OIT3: variants seen among roughly 807,000 people sequenced by gnomAD.
The protein encoded by OIT3 is oncoprotein induced transcript 3.
Under a neutral mutation model 52.2 loss-of-function variants are expected in OIT3, and 41 were observed. The ratio of observed to expected loss-of-function variants is 0.79; its 90% CI spans 0.61 to 1.02. The LOEUF is 1.02. Ranked by LOEUF, OIT3 falls within the 50% of genes least tolerant of loss-of-function variation. The probability of loss-of-function intolerance (pLI) is 0.00; values close to 1 mark genes in which losing one functional copy is unlikely to be tolerated. For synonymous variants in OIT3, 244 were observed against 276.9 expected (o/e 0.88, Z 1.18); for missense variants, 634 against 715.5 (o/e 0.89, Z 1.30).
chr10:72,923,179 T>TC (rs1433671712), intron 6 of OIT3, among the ~76,000 whole-genome samples: 1 of 152,112 alleles, frequency 6.6e-6, no homozygotes, highest in Non-Finnish European at 1.5e-5. Context: ...GCCTGGCCTT[T>TC]CCCCCCGGCA....
intron 7 of OIT3, among the ~76,000 whole-genome samples, chr10:72,926,961 T>A (rs963430819): frequency 6.6e-6 from 1 of 152,172 alleles, no homozygotes; most frequent in Admixed American, 6.5e-5. Flanking sequence ...ATAATCAAGA[T>A]AATGAACATT....
chr10:72,925,289 T>C (rs1248049051), intron 7 of OIT3, among the ~76,000 whole-genome samples: 1 of 152,172 alleles, frequency 6.6e-6, no homozygotes, highest in Non-Finnish European at 1.5e-5. Flanking sequence ...CTGCAGGATG[T>C]CTAGGAAGAG....
At chr10:72,929,136 A>G (rs1846193437) in intron 7 of OIT3, among the ~76,000 whole-genome samples, 1 of 152,000 alleles carries the variant, frequency 6.6e-6, no homozygotes, top group South Asian at 2.1e-4. Flanking sequence ...TAGGAGGTCG[A>G]AGCTGCAGTG....
intron 5 of OIT3, among the ~76,000 whole-genome samples, chr10:72,913,020 C>G (rs1846042855): frequency 6.6e-6 from 1 of 152,170 alleles, no homozygotes. Context: ...TTAGGTGTTT[C>G]AGTTCACAGA....
Position 72,924,637 on chromosome 10 carries a change from CG to C in OIT3, c.1363del (p.Asp455MetfsTer9), listed in dbSNP as rs1391387207. 17 of 1,605,864 alleles carry C rather than the reference CG, an allele frequency of 1.1e-5. No homozygotes were observed. Among genetic ancestry groups the C allele is most frequent in the Non-Finnish European group, 1.4e-5 (17 of 1,174,870 alleles). On this transcript the variant is annotated frameshift_variant, in exon 7 of 9. Coordinates refer to ENST00000334011, the MANE Select transcript of OIT3 (RefSeq NM_152635.3). LOFTEE classifies it high-confidence loss of function. ...CGAGGTCCTGAAATACTACCTCATCCGGGATGGGTAATGCTGCTGCAAGAAT... is the reference window on the plus strand; with the variant it reads ...CGAGGTCCTGAAATACTACCTCATCCGGATGGGTAATGCTGCTGCAAGAAT... ...IDEVLKYYLI[R>X]DGCVSDDSVK...
chr10:72,918,410 T>C (rs1846092510), intron 6 of OIT3: 1 of 785,024 alleles, frequency 1.3e-6, no homozygotes, highest in African/African-American at 1.7e-5. Context: ...TTTTTAAAGA[T>C]AACTGGTGCT....
intron 7 of OIT3, among the ~76,000 whole-genome samples, chr10:72,926,225 T>C (rs561520285): frequency 6.6e-6 from 1 of 152,320 alleles, no homozygotes; most frequent in South Asian, 2.1e-4. Context: ...TCTTGGACAT[T>C]ACTATGCTGC....
intron 1 of OIT3, among the ~76,000 whole-genome samples, chr10:72,897,073 G>A (rs1256502685): frequency 2.0e-5 from 3 of 152,246 alleles, no homozygotes; most frequent in African/African-American, 7.2e-5. Flanking sequence ...GCCCAGGCTG[G>A]AATGCAATGG....
intron 7 of OIT3, among the ~76,000 whole-genome samples, chr10:72,929,791 C>T (rs929670366): frequency 3.3e-5 from 5 of 152,132 alleles, no homozygotes; most frequent in African/African-American, 1.2e-4. Context: ...AATCCTCCTG[C>T]CTCAGCCTGC....
chr10:72,900,429 C>A lies in OIT3; in HGVS notation c.489C>A (p.Ser163Arg), dbSNP rs146090082. The A allele has an allele frequency of 3.1e-6, 5 of 1,612,612 alleles. No homozygotes were observed. Among genetic ancestry groups the A allele is most frequent in the Non-Finnish European group, 4.2e-6 (5 of 1,178,788 alleles). ...GCCATGGCAGCTGCTCAGATACCAG[C>A]GAGTGCACATGCGCTCCAGGAACTG... ...EDCHGSCSDT[S>R]ECTCAPGTVL... Residue 163 changes from serine to arginine, a missense_variant, in exon 3 of 9, where the codon AGC (serine) becomes AGA (arginine). Ser to Arg is a moderately radical substitution (Grantham distance 110). Transcript: ENST00000334011.
At chr10:72,903,231 T>C (rs1845949067) in intron 3 of OIT3, among the ~76,000 whole-genome samples, 1 of 152,230 alleles carries the variant, frequency 6.6e-6, no homozygotes, top group African/African-American at 2.4e-5. Flanking sequence ...TGTTTTTCTT[T>C]TCTTTTTTTT....
intron 8 of OIT3, among the ~76,000 whole-genome samples, chr10:72,931,952 T>C (rs1194480218): frequency 2.6e-5 from 4 of 152,324 alleles, no homozygotes; most frequent in Non-Finnish European, 1.5e-5. Flanking sequence ...GAAAGGTGCT[T>C]GCAGAAAACA....
intron 4 of OIT3, among the ~76,000 whole-genome samples, chr10:72,909,312 G>T (rs57396026): frequency 0.059 from 8,966 of 151,656 alleles, 763 homozygotes; most frequent in African/African-American, 0.19. Flanking sequence ...TAGAAACAGG[G>T]TTTCACCATG....
At position 72,898,938 on chromosome 10, in the gene OIT3, C is replaced by T; in HGVS notation, c.336C>T (p.Cys112=). The T allele has an allele frequency of 6.2e-7, 1 of 1,614,210 alleles. No homozygotes were observed. The highest frequency in any genetic ancestry group is 8.5e-7 in the Non-Finnish European group (1 of 1,180,032). The change falls in exon 2 of 9, where the codon TGC becomes TGT. Residue 112 remains cysteine (C), a synonymous_variant. Coordinates refer to ENST00000334011, the MANE Select transcript of OIT3 (RefSeq NM_152635.3). The stretch of plus-strand genomic sequence containing the variant: ...CTTGTGCCAGCTTCAATGGGAACTG[C>T]TGTCTCTGGAACACCACGGTGGAAG... ...RQACASFNGN[C]CLWNTTVEVK... is the part of the protein sequence containing the mutation.
Position 72,913,254 on chromosome 10 carries a change from C to T in OIT3, c.791-54C>T, listed in dbSNP as rs113095004. On this transcript the variant is annotated intron_variant, in intron 5 of 8. Transcript: ENST00000334011. ...AGGGTGAAATTATTTCTCCTAAAAG[C>T]CTTCCTCCCGATTCAGGTTTCCTGG... 5.6e-4 allele frequency: 795 copies of T among 1,429,420 alleles called. 5 individuals carry two copies. The African/African-American group carries it at 9.8e-3, about 18-fold the overall frequency. 88.5% of individuals were successfully genotyped at this position (1,429,420 alleles called of 1,614,324 possible).
chr10:72,899,703 TGATA>T (rs373777568), intron 2 of OIT3, among the ~76,000 whole-genome samples: 47,420 of 144,582 alleles, frequency 0.33, 7,658 homozygotes, highest in Middle Eastern at 0.38. Context: ...GATAGATAGA[TGATA>T]GATAGATAGA....
At chr10:72,905,889 T>C (rs1845975278) in intron 3 of OIT3, among the ~76,000 whole-genome samples, 1 of 152,214 alleles carries the variant, frequency 6.6e-6, no homozygotes. Flanking sequence ...CCTCCTGTCA[T>C]CGCATGGGTG....
chr10:72,930,574 C>T lies in OIT3; in HGVS notation c.1404C>T (p.Ser468=). 1 of 1,613,816 alleles carries T rather than the reference C, an allele frequency of 6.2e-7. No individual in the cohort carries two copies. The highest frequency in any genetic ancestry group is 1.1e-5 in the South Asian group (1 of 91,036). ...VSDDSVKQYT[S]RDHLAKHFQV... is the part of the protein sequence containing the mutation. The stretch of plus-strand genomic sequence containing the variant: ...ATGACTCGGTAAAGCAGTACACATC[C>T]CGGGATCACCTAGCAAAGCACTTCC... Residue 468 remains serine, a synonymous_variant, in exon 8 of 9, where the codon TCC becomes TCT. Coordinates refer to ENST00000334011, the MANE Select transcript of OIT3 (RefSeq NM_152635.3).
At chr10:72,931,376 A>AGCTT (rs1234968228) in intron 8 of OIT3, among the ~76,000 whole-genome samples, 19 of 152,168 alleles carry the variant, frequency 1.2e-4, no homozygotes, top group Non-Finnish European at 4.4e-5. Context: ...CTGTAGTCCT[A>AGCTT]GCTTACTTAG....
Sources: gnomAD v4.1 joint callset for allele counts (sites outside exome capture counted in the v4.1 genomes callset) on GRCh38, gnomAD v4.1.1 for gene constraint, MANE v1.5 for transcripts, NCBI Gene and HGNC (gene_info 2026-07-23, HGNC 2026-07-21) for gene names.